PHLDB2: variants seen among roughly 807,000 people sequenced by gnomAD.
PHLDB2 encodes the protein pleckstrin homology-like domain family B member 2.
A neutral mutation model predicts 123.6 loss-of-function variants in PHLDB2; 71 were observed. The ratio of observed to expected loss-of-function variants is 0.57; its 90% CI spans 0.47 to 0.70. The LOEUF (loss-of-function observed/expected upper bound fraction) is 0.70, where lower values mean the gene tolerates loss of function less well. Ranked by LOEUF, PHLDB2 falls within the 30% of genes least tolerant of loss-of-function variation. PHLDB2 has a pLI of 0.00. For synonymous variants in PHLDB2, 547 were observed against 541.6 expected (o/e 1.01, Z -0.14); for missense variants, 1,446 against 1,519.5 (o/e 0.95, Z 0.80).
intron 1 of PHLDB2, among the ~76,000 whole-genome samples, chr3:111,814,052 C>T (rs2108353219): frequency 6.6e-6 from 1 of 152,246 alleles, no homozygotes; most frequent in Admixed American, 6.5e-5. Flanking sequence ...CTTCAAATAC[C>T]CAATTGCAGC....
intron 2 of PHLDB2, among the ~76,000 whole-genome samples, chr3:111,897,028 A>G (rs2066911138): frequency 1.3e-5 from 2 of 152,342 alleles, no homozygotes; most frequent in Non-Finnish European, 2.9e-5. Flanking sequence ...TGACATTGAT[A>G]CAGTGAAGAT....
chr3:111,905,105 T>A (rs1385420874), intron 2 of PHLDB2, among the ~76,000 whole-genome samples: 1 of 152,164 alleles, frequency 6.6e-6, no homozygotes, highest in Non-Finnish European at 1.5e-5. Context: ...ATCTGTTAAA[T>A]GGGGATTAGA....
intron 6 of PHLDB2, 87 bp downstream of exon 6, chr3:111,932,484 C>T (rs2069199726): frequency 1.5e-6 from 2 of 1,360,992 alleles, no homozygotes; most frequent in South Asian, 1.5e-5. Flanking sequence ...CTTACGACTT[C>T]ATATAGCATA....
At chr3:111,787,242 T>G (rs1174877236) in intron 1 of PHLDB2, among the ~76,000 whole-genome samples, 1 of 152,214 alleles carries the variant, frequency 6.6e-6, no homozygotes, top group Admixed American at 6.5e-5. Flanking sequence ...ATTTCTATCC[T>G]CATGCTTTTG....
chr3:111,807,490 G>A (rs1324337042), intron 1 of PHLDB2, among the ~76,000 whole-genome samples: 2 of 152,196 alleles, frequency 1.3e-5, no homozygotes, highest in Admixed American at 6.5e-5. Flanking sequence ...AGCCAAGTTG[G>A]GAGGATTGCT....
chr3:111,943,144 A>T (rs769709733), intron 8 of PHLDB2, among the ~76,000 whole-genome samples: 145 of 152,122 alleles, frequency 9.5e-4, no homozygotes, highest in Non-Finnish European at 1.5e-3. Context: ...TTCAAGGTTT[A>T]CTCTGGAGCC....
At chr3:111,952,836 C>A in intron 11 of PHLDB2, 124 bp downstream of exon 11, 1 of 1,170,830 alleles carries the variant, frequency 8.5e-7, no homozygotes, top group Non-Finnish European at 1.2e-6. Flanking sequence ...ACTTGTTAGG[C>A]AGACATCAGG....
intron 1 of PHLDB2, among the ~76,000 whole-genome samples, chr3:111,830,951 GAAAGAGAAA>G (rs1559854851): frequency 1.6e-4 from 18 of 109,838 alleles, no homozygotes; most frequent in African/African-American, 4.5e-4. Flanking sequence ...AGGAAAGAAA[GAAAGAGAAA>G]GAAAGAAAGA....
chr3:111,872,536 G>A (rs1034815056), intron 1 of PHLDB2, among the ~76,000 whole-genome samples: 29 of 152,066 alleles, frequency 1.9e-4, no homozygotes, highest in Admixed American at 1.8e-3. Flanking sequence ...GTGCAATCAC[G>A]TCCCTCCTGC....
intron 7 of PHLDB2, among the ~76,000 whole-genome samples, chr3:111,940,263 G>A (rs1481458767): frequency 6.6e-6 from 1 of 152,144 alleles, no homozygotes; most frequent in East Asian, 1.9e-4. Flanking sequence ...TTCATCGATA[G>A]CCTAAAACTA....
At chr3:111,835,296 T>C (rs2063347063) in intron 1 of PHLDB2, among the ~76,000 whole-genome samples, 1 of 152,198 alleles carries the variant, frequency 6.6e-6, no homozygotes, top group Non-Finnish European at 1.5e-5. Flanking sequence ...GCTAAGGTCA[T>C]GTACTTAACT....
chr3:111,851,194 TAAA>T (rs11309576), intron 2 of PHLDB2, among the ~76,000 whole-genome samples: 39 of 103,626 alleles, frequency 3.8e-4, no homozygotes, highest in Non-Finnish European at 4.9e-4. Context: ...GATTCTGTCT[TAAA>T]AAAAAAAAAA....
chr3:111,878,806 C>A (rs1402084460), intron 1 of PHLDB2, among the ~76,000 whole-genome samples: 1 of 152,122 alleles, frequency 6.6e-6, no homozygotes, highest in Non-Finnish European at 1.5e-5. Context: ...CCTATTGAGA[C>A]AATCATGTGG....
Position 111,969,742 on chromosome 3 carries a change from G to A in PHLDB2, c.3368G>A (p.Arg1123Gln), listed in dbSNP as rs758857139. 6.2e-6 allele frequency: 10 copies of A among 1,613,870 alleles called. No homozygotes were observed. Among genetic ancestry groups the A allele is most frequent in the Admixed American group, 5.0e-5 (3 of 59,986 alleles). ...LPVRKEDFDL[R>Q]SHVETAGHNI... ...GTCCGGAAGGAAGACTTTGATTTGC[G>A]GAGCCATGTAGAGACTGCTGGCCAC... Residue 1123 changes from arginine to glutamine, a missense_variant, in exon 16 of 18, where the codon CGG becomes CAG. Physicochemically the swap from Arg to Gln is conservative, Grantham distance 43 (BLOSUM62 1). This residue lies in a region of PHLDB2 where 594 missense variants were observed against 646.0 expected (regional missense o/e 0.92). Transcript: ENST00000431670.
chr3:111,897,555 G>A (rs894203537), intron 2 of PHLDB2, among the ~76,000 whole-genome samples: 9 of 152,152 alleles, frequency 5.9e-5, no homozygotes, highest in Non-Finnish European at 1.3e-4. Flanking sequence ...TGGATAAATT[G>A]GTATTTCTTA....
chr3:111,794,330 G>A (rs958406123), intron 1 of PHLDB2, among the ~76,000 whole-genome samples: 5 of 152,118 alleles, frequency 3.3e-5, no homozygotes, highest in African/African-American at 1.2e-4. Context: ...CCCCCAACAT[G>A]CAGATTCTTT....
intron 2 of PHLDB2, among the ~76,000 whole-genome samples, chr3:111,850,101 T>A (rs1301184120): frequency 6.6e-6 from 1 of 151,770 alleles, no homozygotes; most frequent in African/African-American, 2.4e-5. Flanking sequence ...GACCTTGTGA[T>A]CCACCCACCT....
intron 1 of PHLDB2, among the ~76,000 whole-genome samples, chr3:111,734,437 A>G (rs988567955): frequency 9.9e-5 from 15 of 152,172 alleles, no homozygotes; most frequent in African/African-American, 3.6e-4. Context: ...TTAAAAATTT[A>G]TGCATTGGCC....
At position 111,965,607 on chromosome 3, in the gene PHLDB2, A is replaced by G. The variant is rs528378981; in HGVS notation, c.3078-1006A>G. ...GTATCCCTACTCTATGCCAGGTTCTATGCTACAGGGATACAGGCACGAAAG... is the reference window on the plus strand; with the variant it reads ...GTATCCCTACTCTATGCCAGGTTCTGTGCTACAGGGATACAGGCACGAAAG... On this transcript the variant is annotated intron_variant, in intron 13 of 17. Coordinates refer to ENST00000431670, the MANE Select transcript of PHLDB2 (RefSeq NM_001134438.2). 8.7e-4 allele frequency among the ~76,000 whole-genome samples: 133 copies of G among 152,330 alleles called. 1 individual carries two copies. Among genetic ancestry groups the G allele is most frequent in the Middle Eastern group, 3.4e-3 (1 of 294 alleles).
Sources: gnomAD v4.1 joint callset for allele counts (sites outside exome capture counted in the v4.1 genomes callset) on GRCh38, gnomAD v4.1.1 for gene constraint, gnomAD v4.1.1 regional missense constraint, MANE v1.5 for transcripts, NCBI Gene and HGNC (gene_info 2026-07-23, HGNC 2026-07-21) for gene names.